Variants in OVCH1 observed in about 807,000 individuals in gnomAD.
The protein encoded by OVCH1 is ovochymase-1.
A neutral mutation model predicts 138.4 loss-of-function variants in OVCH1; 139 were observed. The ratio of observed to expected loss-of-function variants is 1.00; its 90% CI spans 0.87 to 1.16. OVCH1 has a LOEUF of 1.16. Ranked by LOEUF, OVCH1 falls within the 50% of genes most tolerant of loss-of-function variation. OVCH1 has a pLI of 0.00. For synonymous variants in OVCH1, 453 were observed against 467.8 expected (o/e 0.97, Z 0.41); for missense variants, 1,367 against 1,357.9 (o/e 1.01, Z -0.11).
At chr12:29,438,312 T>C (rs1285667109) in intron 26 of OVCH1, among the ~76,000 whole-genome samples, 1 of 152,174 alleles carries the variant, frequency 6.6e-6, no homozygotes, top group Non-Finnish European at 1.5e-5. Context: ...TTTCTTCTGA[T>C]AGTTTTAATT....
the OVCH1 span, among the ~76,000 whole-genome samples, chr12:29,406,785 T>C: frequency 0.22 from 31,119 of 140,304 alleles, 3,687 homozygotes; most frequent in Admixed American, 0.38. Context: ...TGTGTCTTTA[T>C]AGCAGCATGA....
chr12:29,408,136 G>T (rs1355576333), downstream of OVCH1, among the ~76,000 whole-genome samples: 1 of 131,398 alleles, frequency 7.6e-6, no homozygotes, highest in Non-Finnish European at 1.8e-5. Context: ...AAGAATGCTT[G>T]TGATTTTTGT....
chr12:29,439,191 C>A, intron 26 of OVCH1: 1 of 657,096 alleles, frequency 1.5e-6, no homozygotes, highest in Non-Finnish European at 2.2e-6. Context: ...CAATATGCCA[C>A]CCCTAGAAGC....
intron 8 of OVCH1, among the ~76,000 whole-genome samples, chr12:29,485,844 A>G (rs61060668): frequency 0.034 from 5,135 of 151,066 alleles, 271 homozygotes; most frequent in African/African-American, 0.11. Context: ...TTGGGAGGCT[A>G]AGGCAGGAGA....
At chr12:29,486,923 C>T in intron 7 of OVCH1, 2 of 455,846 alleles carry the variant, frequency 4.4e-6, no homozygotes, top group Non-Finnish European at 8.8e-6. Context: ...CAGAAGAGAA[C>T]TGCTCCCCTG....
chr12:29,458,704 T>A (rs935494654), intron 19 of OVCH1, among the ~76,000 whole-genome samples: 1 of 151,930 alleles, frequency 6.6e-6, no homozygotes, highest in African/African-American at 2.4e-5. Flanking sequence ...AAGAGACAAC[T>A]CACAGAATGG....
At chr12:29,424,973 T>A (rs1392900990), downstream of OVCH1, among the ~76,000 whole-genome samples, 1 of 152,174 alleles carries the variant, frequency 6.6e-6, no homozygotes, top group Non-Finnish European at 1.5e-5. Flanking sequence ...CATGGGATCC[T>A]TAACACGCCA....
In OVCH1 at chr12:29,495,696, CTTCT is replaced by C. The variant is rs567249888; in HGVS notation, c.282-243_282-240del. ...AAGTATTTAAATATTGCATCCTTTT[CTTCT>C]TTGATATACAAACCATAGTTCACAC... is the stretch of plus-strand genomic sequence containing the variant. On this transcript the variant is annotated intron_variant, in intron 3 of 27. Coordinates refer to ENST00000318184, the Ensembl canonical transcript of OVCH1. Among the ~76,000 whole-genome samples the C allele has an allele frequency of 3.3e-4, 50 of 151,944 alleles. 1 individual carries two copies. In the Middle Eastern group the frequency reaches 0.01, roughly 31 times the overall value.
the OVCH1 span, among the ~76,000 whole-genome samples, chr12:29,404,795 G>C: frequency 6.6e-6 from 1 of 152,006 alleles, no homozygotes; most frequent in Non-Finnish European, 1.5e-5. Context: ...GGCTGAGGCA[G>C]GCGAACCACG....
intron 3 of OVCH1, among the ~76,000 whole-genome samples, chr12:29,419,859 C>G (rs1041817507): frequency 6.6e-6 from 1 of 152,072 alleles, no homozygotes; most frequent in Non-Finnish European, 1.5e-5. Flanking sequence ...GCAAACTCCC[C>G]AAACAGTTTT....
At chr12:29,487,940 T>C in intron 6 of OVCH1, 58 bp from the exon 7 acceptor site, 3 of 1,483,064 alleles carry the variant, frequency 2.0e-6, no homozygotes, top group Non-Finnish European at 2.7e-6. Context: ...AAATATTTCA[T>C]CATTTCTGTA....
At chr12:29,461,890 A>G (rs1407665593) in exon 19 of OVCH1, 1 of 1,613,916 alleles carries the variant, frequency 6.2e-7, no homozygotes, top group Non-Finnish European at 8.5e-7. Context: ...CTGCAAAGCC[A>G]GCACAGATCA....
At chr12:29,469,506 A>G (rs759055067) in intron 16 of OVCH1, among the ~76,000 whole-genome samples, 3 of 152,132 alleles carry the variant, frequency 2.0e-5, no homozygotes, top group Non-Finnish European at 2.9e-5. Flanking sequence ...ACCTTGAGAC[A>G]GGAACAAGCT....
intron 18 of OVCH1, 119 bp downstream of exon 18, chr12:29,464,388 T>C (rs1282202587): frequency 3.6e-6 from 4 of 1,120,536 alleles, no homozygotes; most frequent in Admixed American, 2.0e-5. Flanking sequence ...AAATAAAACA[T>C]GGTTTCTATC....
intron 26 of OVCH1, among the ~76,000 whole-genome samples, chr12:29,434,600 CAA>C (rs947691640): frequency 8.6e-5 from 13 of 151,710 alleles, no homozygotes; most frequent in African/African-American, 1.7e-4. Flanking sequence ...ACCAGAAATA[CAA>C]AAAGAGTCTC....
chr12:29,407,507 T>C (rs1940899591), downstream of OVCH1, among the ~76,000 whole-genome samples: 1 of 150,110 alleles, frequency 6.7e-6, no homozygotes, highest in African/African-American at 2.4e-5. Flanking sequence ...AGGGATCCAG[T>C]TTCAGCTTTC....
chr12:29,424,566 T>A (rs926420775), downstream of OVCH1, among the ~76,000 whole-genome samples: 1 of 152,220 alleles, frequency 6.6e-6, no homozygotes, highest in Non-Finnish European at 1.5e-5. Context: ...TCCAAAGTCC[T>A]GTCAGTGAAG....
chr12:29,434,920 A>G (rs893092682), intron 26 of OVCH1, among the ~76,000 whole-genome samples: 5 of 152,216 alleles, frequency 3.3e-5, no homozygotes, highest in African/African-American at 1.2e-4. Context: ...ACTAGGACAT[A>G]ATGCCCAGTT....
intron 8 of OVCH1, among the ~76,000 whole-genome samples, chr12:29,482,267 C>T (rs888611397): frequency 1.3e-5 from 2 of 152,166 alleles, no homozygotes; most frequent in Non-Finnish European, 2.9e-5. Context: ...ATTCTTGTCT[C>T]ACACATACCA....
Sources: gnomAD v4.1 joint callset for allele counts (sites outside exome capture counted in the v4.1 genomes callset) on GRCh38, gnomAD v4.1.1 for gene constraint, MANE v1.5 for transcripts, NCBI Gene and HGNC (gene_info 2026-07-23, HGNC 2026-07-21) for gene names.